The following LANCL3 variants were observed in gnomAD, a reference collection of about 807,000 sequenced individuals.
LANCL3 encodes the protein lanC-like protein 3.
A neutral mutation model predicts 26.5 loss-of-function variants in LANCL3; 19 were observed. The observed-to-expected ratio is 0.72, with a 90% CI of 0.50 to 1.05. The LOEUF is 1.05. Among genes scored for constraint, LANCL3 ranks in the 50% least tolerant of loss-of-function variants. The pLI, the probability that LANCL3 is intolerant of heterozygous loss-of-function variation, is 0.00. For synonymous variants in LANCL3, 160 were observed against 166.6 expected (o/e 0.96, Z 0.30); for missense variants, 318 against 362.7 (o/e 0.88, Z 1.00).
chrX:37,585,265 C>A (rs149828907), intron 1 of LANCL3, among the ~76,000 whole-genome samples: 6,348 of 111,309 alleles, frequency 0.057, 451 homozygotes, highest in African/African-American at 0.19. Flanking sequence ...AAAAGAATGT[C>A]TATTCTGTTG....
intron 3 of LANCL3, among the ~76,000 whole-genome samples, chrX:37,662,277 T>C (rs1556432714): frequency 8.9e-6 from 1 of 112,560 alleles, no homozygotes; most frequent in South Asian, 3.7e-4. Flanking sequence ...CAAAGTCATT[T>C]ACAAAATCAT....
At chrX:37,600,117 G>A (rs782750433) in intron 1 of LANCL3, among the ~76,000 whole-genome samples, 2 of 112,017 alleles carry the variant, frequency 1.8e-5, no homozygotes, top group African/African-American at 6.5e-5. Context: ...GTGGTTTCAG[G>A]TGCCTTTGGT....
chrX:37,584,619 G>C (rs1401507205), intron 1 of LANCL3, among the ~76,000 whole-genome samples: 1 of 111,795 alleles, frequency 8.9e-6, no homozygotes, highest in Non-Finnish European at 1.9e-5. Flanking sequence ...GGTGTTTATA[G>C]TATTCTCTGA....
chrX:37,629,158 T>C (rs1925405158), intron 1 of LANCL3, among the ~76,000 whole-genome samples: 1 of 109,540 alleles, frequency 9.1e-6, no homozygotes, highest in Non-Finnish European at 1.9e-5. Flanking sequence ...TGTGAGATGG[T>C]ATCTCATTGT....
At chrX:37,632,822 A>C (rs1556424749) in intron 1 of LANCL3, among the ~76,000 whole-genome samples, 2 of 112,009 alleles carry the variant, frequency 1.8e-5, no homozygotes, top group Non-Finnish European at 3.8e-5. Flanking sequence ...CCAAGAGATC[A>C]GCTGTTAGTT....
At chrX:37,609,395 T>C (rs1556420869) in intron 1 of LANCL3, among the ~76,000 whole-genome samples, 1 of 111,716 alleles carries the variant, frequency 9.0e-6, no homozygotes, top group Non-Finnish European at 1.9e-5. Flanking sequence ...GAAGCAGCTA[T>C]GAGGGACAAA....
chrX:37,649,184 G>T (rs1926063945), intron 1 of LANCL3, among the ~76,000 whole-genome samples: 1 of 111,984 alleles, frequency 8.9e-6, no homozygotes, highest in Non-Finnish European at 1.9e-5. Context: ...ATTTACAATA[G>T]CAAAGTCATG....
At chrX:37,629,768 G>A (rs1333636190) in intron 1 of LANCL3, among the ~76,000 whole-genome samples, 1 of 111,142 alleles carries the variant, frequency 9.0e-6, no homozygotes, top group East Asian at 2.8e-4. Flanking sequence ...TAGATATGTG[G>A]TGTTATTTCT....
rs1923608349 is a variant in LANCL3 at position 37,572,216 on chromosome X, A to G, written c.346A>G (p.Thr116Ala). 1 of 1,153,485 alleles carries G rather than the reference A, an allele frequency of 8.7e-7. No individual in the cohort carries two copies. The highest frequency in any genetic ancestry group is 1.1e-6 in the Non-Finnish European group (1 of 870,990). Residue 116 changes from threonine (T) to alanine (A), a missense_variant, in exon 1 of 5, where the codon ACC (threonine) becomes GCC (alanine). Coordinates refer to ENST00000378619, the MANE Select transcript of LANCL3 (RefSeq NM_001170331.2). ...GGAGTGGGGCGAACCGGACGCCGAC[A>G]CCCGCGCCGCCTTCCTGCTCGGGGG... ...AEEWGEPDAD[T>A]RAAFLLGGAG... is the part of the protein sequence containing the mutation.
chrX:37,574,969 A>T (rs1273695274), intron 1 of LANCL3, among the ~76,000 whole-genome samples: 2 of 108,720 alleles, frequency 1.8e-5, no homozygotes, highest in Non-Finnish European at 3.8e-5. Context: ...TCTGTCACCC[A>T]GGCTGGAGTG....
intron 1 of LANCL3, among the ~76,000 whole-genome samples, chrX:37,623,613 C>A (rs1396664437): frequency 9.0e-6 from 1 of 111,681 alleles, no homozygotes; most frequent in Non-Finnish European, 1.9e-5. Flanking sequence ...TAGTACTGTT[C>A]AATTATTTAT....
chrX:37,636,527 C>A (rs955623397), intron 1 of LANCL3, among the ~76,000 whole-genome samples: 24 of 112,607 alleles, frequency 2.1e-4, no homozygotes, highest in African/African-American at 7.4e-4. Context: ...TCATGACAAT[C>A]TTATATGAAA....
intron 1 of LANCL3, among the ~76,000 whole-genome samples, chrX:37,606,878 C>T (rs782397755): frequency 2.7e-5 from 3 of 112,466 alleles, no homozygotes; most frequent in Non-Finnish European, 5.6e-5. Flanking sequence ...GGAAAAAATT[C>T]TTCTCCCTTA....
At chrX:37,634,456 C>T (rs896083951) in intron 1 of LANCL3, among the ~76,000 whole-genome samples, 12 of 112,843 alleles carry the variant, frequency 1.1e-4, no homozygotes, top group Admixed American at 2.8e-4. Context: ...CACTGTCCTG[C>T]GCCCACTGTC....
intron 1 of LANCL3, among the ~76,000 whole-genome samples, chrX:37,608,509 C>A (rs192284166): frequency 8.9e-6 from 1 of 111,887 alleles, no homozygotes; most frequent in East Asian, 2.8e-4. Flanking sequence ...TGTGGAATTT[C>A]CTGCAGAAGG....
chrX:37,654,489 T>A (rs1556430211), intron 1 of LANCL3, among the ~76,000 whole-genome samples: 2 of 112,279 alleles, frequency 1.8e-5, no homozygotes, highest in African/African-American at 6.5e-5. Flanking sequence ...GTACGTTTCC[T>A]GTGCAGGTCT....
intron 1 of LANCL3, among the ~76,000 whole-genome samples, chrX:37,645,539 A>G (rs782464274): frequency 4.4e-5 from 5 of 112,624 alleles, no homozygotes; most frequent in African/African-American, 6.4e-5. Flanking sequence ...CATGCAGAAT[A>G]TTGGAAGAGA....
intron 1 of LANCL3, among the ~76,000 whole-genome samples, chrX:37,579,616 G>A (rs1923844070): frequency 8.9e-6 from 1 of 111,749 alleles, no homozygotes; most frequent in Non-Finnish European, 1.9e-5. Flanking sequence ...GACCCCGGAT[G>A]TCTGCTGGTA....
At chrX:37,629,751 A>T (rs1275133923) in intron 1 of LANCL3, among the ~76,000 whole-genome samples, 3 of 111,195 alleles carry the variant, frequency 2.7e-5, no homozygotes, top group Non-Finnish European at 5.7e-5. Context: ...CAAAGATCAG[A>T]TAGTTGTAGA....
Sources: gnomAD v4.1 joint callset for allele counts (sites outside exome capture counted in the v4.1 genomes callset) on GRCh38, gnomAD v4.1.1 for gene constraint, MANE v1.5 for transcripts, NCBI Gene and HGNC (gene_info 2026-07-23, HGNC 2026-07-21) for gene names.